Variants in MRPL1 observed in about 807,000 individuals in gnomAD.
MRPL1 encodes the protein mitochondrial ribosomal protein L1.
MRPL1 carries 28 observed loss-of-function variants against 38.0 expected under a neutral mutation model. The ratio of observed to expected loss-of-function variants is 0.74; its 90% CI spans 0.55 to 1.01. The LOEUF (loss-of-function observed/expected upper bound fraction) is 1.01, where lower values mean the gene tolerates loss of function less well. MRPL1 is among the 50% of genes least tolerant of loss of function. The probability of loss-of-function intolerance (pLI) is 0.00; values close to 1 mark genes in which losing one functional copy is unlikely to be tolerated. For missense variants in MRPL1, 358 were observed against 389.8 expected, an observed-to-expected ratio of 0.92 and a Z score of 0.69; for synonymous variants, 123 against 126.7, an observed-to-expected ratio of 0.97 and a Z score of 0.20.
chr4:77,908,989 A>G (rs1736223952), intron 6 of MRPL1, among the ~76,000 whole-genome samples: 2 of 152,360 alleles, frequency 1.3e-5, no homozygotes, highest in South Asian at 4.1e-4. Flanking sequence ...GTTTCTTCAA[A>G]GCCAGTAAGG....
At chr4:77,952,410 A>T in intron 8 of MRPL1, 79 bp from the exon 9 acceptor site, 1 of 960,528 alleles carries the variant, frequency 1.0e-6, no homozygotes, top group Non-Finnish European at 1.7e-6. Context: ...TGACAATATT[A>T]AGTGAGGACC....
chr4:77,948,768 C>A (rs75675903), intron 7 of MRPL1, among the ~76,000 whole-genome samples: 3 of 146,416 alleles, frequency 2.0e-5, no homozygotes, highest in African/African-American at 7.6e-5. Flanking sequence ...TCTTCTTCTT[C>A]TTCTTTTTTT....
chr4:77,865,979 T>G (rs1404445962), intron 1 of MRPL1, among the ~76,000 whole-genome samples: 1 of 152,246 alleles, frequency 6.6e-6, no homozygotes, highest in Non-Finnish European at 1.5e-5. Context: ...TATTGAGCAC[T>G]TCAAATTGGT....
intron 2 of MRPL1, among the ~76,000 whole-genome samples, chr4:77,880,543 G>A (rs187118772): frequency 9.3e-4 from 134 of 144,774 alleles, no homozygotes; most frequent in African/African-American, 3.1e-3. Flanking sequence ...CACAAGATTT[G>A]GGAATTAGGA....
intron 7 of MRPL1, among the ~76,000 whole-genome samples, chr4:77,924,357 A>C (rs1459839795): frequency 1.3e-5 from 2 of 152,152 alleles, no homozygotes; most frequent in African/African-American, 4.8e-5. Flanking sequence ...TCAAGTTTGA[A>C]AAAATTAATA....
intron 1 of MRPL1, among the ~76,000 whole-genome samples, chr4:77,866,032 G>T (rs1395596793): frequency 2.0e-5 from 3 of 152,102 alleles, no homozygotes; most frequent in Admixed American, 6.6e-5. Flanking sequence ...GATTTTGAGG[G>T]CTTAGCATAA....
rs115437435 is a variant in MRPL1, at chr4:77,902,754, A to G, written c.671-6512A>G. ...TACATTTATGCAAATAAATGTGACA[A>G]TTTACATAAAATGACACATTCCTTG... On this transcript the variant is annotated intron_variant, in intron 6 of 8. Transcript: ENST00000315567. 5.3e-3 allele frequency among the ~76,000 whole-genome samples: 813 copies of G among 152,314 alleles called. 7 individuals are homozygous for G. Among genetic ancestry groups the G allele is most frequent in the African/African-American group, 0.018 (761 of 41,564 alleles).
chr4:77,925,207 G>C (rs906459139), intron 7 of MRPL1, among the ~76,000 whole-genome samples: 1 of 151,838 alleles, frequency 6.6e-6, no homozygotes, highest in African/African-American at 2.4e-5. Context: ...TGAGGCTAGG[G>C]ATATTTTCAT....
At chr4:77,943,502 C>T (rs1657561784) in intron 7 of MRPL1, among the ~76,000 whole-genome samples, 1 of 151,918 alleles carries the variant, frequency 6.6e-6, no homozygotes, top group South Asian at 2.1e-4. Flanking sequence ...CTCAGGAACA[C>T]CAATTATTCT....
rs1578042352 is a variant in MRPL1 at position 77,885,438 on chromosome 4, C to A, written c.486+99C>A. 8.6e-6 allele frequency: 7 copies of A among 812,060 alleles called. No homozygotes were observed. In the East Asian group the frequency reaches 1.9e-4, roughly 22 times the overall value. The allele number at this position is 812,060 out of a possible 1,614,324, so 50.3% of individuals were successfully genotyped here. On this transcript the variant is annotated intron_variant, in intron 4 of 8. Coordinates refer to ENST00000315567, the MANE Select transcript of MRPL1 (RefSeq NM_020236.4). ...CTGGAGTGCAGTGGGGCAACCTCGGCTCACTGCAACCTCCGCCTCCCAGGT... is the reference window on the plus strand; with the variant it reads ...CTGGAGTGCAGTGGGGCAACCTCGGATCACTGCAACCTCCGCCTCCCAGGT...
At chr4:77,864,531 AGT>A (rs1160375961) in intron 1 of MRPL1, 1 of 152,220 alleles carries the variant, frequency 6.6e-6, no homozygotes, top group Non-Finnish European at 1.5e-5. Context: ...AACACAGGTC[AGT>A]GACAAACTTT....
chr4:77,911,730 A>G (rs1736292896), intron 7 of MRPL1, among the ~76,000 whole-genome samples: 1 of 152,214 alleles, frequency 6.6e-6, no homozygotes. Flanking sequence ...GGGGAGTAAC[A>G]GGGACCTAAT....
intron 7 of MRPL1, among the ~76,000 whole-genome samples, chr4:77,921,012 G>A (rs4331798): frequency 0.15 from 22,449 of 152,068 alleles, 1,899 homozygotes; most frequent in South Asian, 0.25. Context: ...GCCCACGGTC[G>A]CCTCCCAAAG....
At chr4:77,863,982 A>AT (rs1735067047) in intron 1 of MRPL1, among the ~76,000 whole-genome samples, 1 of 146,860 alleles carries the variant, frequency 6.8e-6, no homozygotes, top group African/African-American at 2.5e-5. Flanking sequence ...ATACATGTAT[A>AT]TTTAACACTG....
Position 77,883,408 on chromosome 4 carries a change from C to T in MRPL1, c.310C>T (p.His104Tyr). Residue 104 changes from histidine (H) to tyrosine (Y), a missense_variant, in exon 3 of 9, where the codon CAC becomes TAC. Transcript: ENST00000315567. ...GATATATGAGGTGGAGAAAGCTGTTCACTTACTTAAGAAATTTCAAATTCT... is the reference window on the plus strand; with the variant it reads ...GATATATGAGGTGGAGAAAGCTGTTTACTTACTTAAGAAATTTCAAATTCT... Reference protein sequence around the residue: ...RQIYEVEKAVHLLKKFQILDF... With the variant: ...RQIYEVEKAVYLLKKFQILDF... 6.2e-7 allele frequency: 1 copy of T among 1,613,824 alleles called. No homozygotes were observed.
chr4:77,867,597 G>A (rs1301530525), intron 1 of MRPL1, among the ~76,000 whole-genome samples: 4 of 151,852 alleles, frequency 2.6e-5, no homozygotes, highest in Non-Finnish European at 2.9e-5. Context: ...TGTTGCCCAA[G>A]CTGGTCTTGA....
intron 2 of MRPL1, among the ~76,000 whole-genome samples, chr4:77,872,711 A>G (rs1735310601): frequency 6.6e-6 from 1 of 152,092 alleles, no homozygotes; most frequent in Non-Finnish European, 1.5e-5. Flanking sequence ...GAAACTACAA[A>G]AATTGGCCGG....
chr4:77,934,659 A>G (rs1578060841), intron 7 of MRPL1, among the ~76,000 whole-genome samples: 1 of 152,380 alleles, frequency 6.6e-6, no homozygotes, highest in Non-Finnish European at 1.5e-5. Context: ...ATAGAATTAT[A>G]TGATCCACCA....
chr4:77,913,940 G>GTGGT (rs1326591308), intron 7 of MRPL1, among the ~76,000 whole-genome samples: 1 of 152,200 alleles, frequency 6.6e-6, no homozygotes, highest in African/African-American at 2.4e-5. Flanking sequence ...AAGCAGACCA[G>GTGGT]TGGTTGCCTT....
Sources: gnomAD v4.1 joint callset for allele counts (sites outside exome capture counted in the v4.1 genomes callset) on GRCh38, gnomAD v4.1.1 for gene constraint, MANE v1.5 for transcripts, NCBI Gene and HGNC (gene_info 2026-07-23, HGNC 2026-07-21) for gene names.